Variants in CFAP54 observed in about 807,000 individuals in gnomAD.
CFAP54 encodes the protein cilia- and flagella-associated protein 54.
Under a neutral mutation model 370.4 loss-of-function variants are expected in CFAP54, and 290 were observed. The ratio of observed to expected loss-of-function variants is 0.78; its 90% CI spans 0.71 to 0.86. The LOEUF (loss-of-function observed/expected upper bound fraction) is 0.86. Among genes scored for constraint, CFAP54 ranks in the 40% least tolerant of loss-of-function variants. The pLI is 0.00. For missense variants in CFAP54, 3,399 were observed against 3,528.7 expected, an observed-to-expected ratio of 0.96 and a Z score of 0.93; for synonymous variants, 1,206 against 1,236.5, an observed-to-expected ratio of 0.98 and a Z score of 0.52.
intron 48 of CFAP54, among the ~76,000 whole-genome samples, chr12:96,715,666 A>G (rs1279335555): frequency 1.3e-5 from 2 of 152,198 alleles, no homozygotes; most frequent in Non-Finnish European, 2.9e-5. Context: ...TCTCAGGAAT[A>G]TTCTACCTGC....
intron 66 of CFAP54, among the ~76,000 whole-genome samples, chr12:96,839,720 A>G (rs1443958741): frequency 5.3e-5 from 8 of 152,196 alleles, no homozygotes; most frequent in African/African-American, 1.9e-4. Context: ...TGAGAAAACT[A>G]GAAAGTTGGG....
At chr12:96,561,842 G>T (rs1420547565) in intron 17 of CFAP54, among the ~76,000 whole-genome samples, 1 of 138,050 alleles carries the variant, frequency 7.2e-6, no homozygotes, top group Non-Finnish European at 1.5e-5. Context: ...CGATCACCCA[G>T]TGGTGCGATC....
At position 96,727,139 on chromosome 12, in the gene CFAP54, A is replaced by T. The variant is rs1205535793; in HGVS notation, c.6965+6574A>T. On this transcript the variant is annotated intron_variant, in intron 50 of 67. Transcript: ENST00000524981. ...AATAGGTGTGGTGTGGTGCTGAAAA[A>T]AATGTATATTCTGTTGATTTGGGGT... Among the ~76,000 whole-genome samples the T allele has an allele frequency of 7.2e-5, 11 of 151,904 alleles. No individual in the cohort carries two copies. In the East Asian group the frequency reaches 1.6e-3, roughly 21 times the overall value.
intron 14 of CFAP54, among the ~76,000 whole-genome samples, chr12:96,542,499 G>A (rs1200919846): frequency 6.6e-6 from 1 of 152,050 alleles, no homozygotes; most frequent in Admixed American, 6.6e-5. Flanking sequence ...TTAAATATAA[G>A]GTGGAGAGAA....
chr12:96,752,085 T>TGAGA (rs55648812), intron 55 of CFAP54, among the ~76,000 whole-genome samples: 5,536 of 90,528 alleles, frequency 0.061, 452 homozygotes, highest in East Asian at 0.14. Flanking sequence ...TCTTCCTGGA[T>TGAGA]GAGAGAGAGA....
At chr12:96,695,974 AT>A (rs1235483802) in intron 45 of CFAP54, among the ~76,000 whole-genome samples, 1 of 152,222 alleles carries the variant, frequency 6.6e-6, no homozygotes, top group Non-Finnish European at 1.5e-5. Context: ...CCACTCGGTC[AT>A]TTCCAAATGA....
chr12:96,764,353 T>C (rs566523967), intron 59 of CFAP54, 104 bp downstream of exon 59: 9 of 774,176 alleles, frequency 1.2e-5, no homozygotes, highest in African/African-American at 8.9e-5. Flanking sequence ...TTGGGTGTGA[T>C]ACCTCATGCC....
chr12:96,619,689 A>G (rs2136463877), intron 26 of CFAP54, among the ~76,000 whole-genome samples: 1 of 152,324 alleles, frequency 6.6e-6, no homozygotes, highest in East Asian at 1.9e-4. Flanking sequence ...AAGAAGGGGA[A>G]AAGATTGCCC....
intron 3 of CFAP54, among the ~76,000 whole-genome samples, chr12:96,506,176 A>G (rs1440144886): frequency 2.0e-5 from 3 of 151,950 alleles, no homozygotes; most frequent in Non-Finnish European, 4.4e-5. Flanking sequence ...CGTCTCTACT[A>G]AAAATACAAA....
chr12:96,554,947 A>C, intron 17 of CFAP54, 145 bp downstream of exon 17: 4 of 639,162 alleles, frequency 6.3e-6, no homozygotes, highest in African/African-American at 1.9e-5. Context: ...AATTAATATC[A>C]ATAAAAACAT....
At chr12:96,827,034 A>ATATAATATGAAATTATATATGATTAAT (rs1565994004) in intron 65 of CFAP54, among the ~76,000 whole-genome samples, 22 of 128,994 alleles carry the variant, frequency 1.7e-4, no homozygotes, top group African/African-American at 7.1e-4. Flanking sequence ...ATGTGATTAT[A>ATATAATATGAAATTATATATGATTAAT]TATAATATGC....
chr12:96,512,619 G>C (rs1246954647), intron 4 of CFAP54, among the ~76,000 whole-genome samples: 5 of 151,978 alleles, frequency 3.3e-5, no homozygotes, highest in Admixed American at 2.0e-4. Context: ...GGGATTACAG[G>C]CGTAGCCACT....
chr12:96,570,987 A>G (rs1955911855), intron 19 of CFAP54, among the ~76,000 whole-genome samples: 1 of 152,100 alleles, frequency 6.6e-6, no homozygotes, highest in Non-Finnish European at 1.5e-5. Flanking sequence ...TCTACTTTTC[A>G]TCTTTTTCTG....
chr12:96,737,949 G>C (rs1958000052), intron 50 of CFAP54, among the ~76,000 whole-genome samples: 1 of 152,160 alleles, frequency 6.6e-6, no homozygotes, highest in Non-Finnish European at 1.5e-5. Context: ...ATGGAAGGCA[G>C]GCTGGGGATG....
intron 26 of CFAP54, among the ~76,000 whole-genome samples, chr12:96,602,454 T>C (rs1415048378): frequency 6.6e-6 from 1 of 152,228 alleles, no homozygotes; most frequent in African/African-American, 2.4e-5. Context: ...TGGAGAGTTC[T>C]GTGGATGTCT....
At chr12:96,543,519 A>C (rs910221758) in intron 14 of CFAP54, among the ~76,000 whole-genome samples, 1 of 152,090 alleles carries the variant, frequency 6.6e-6, no homozygotes, top group African/African-American at 2.4e-5. Context: ...TTCCTTTTGC[A>C]TTTATTATAC....
intron 58 of CFAP54, among the ~76,000 whole-genome samples, chr12:96,758,499 A>G (rs1326397670): frequency 6.6e-6 from 1 of 152,202 alleles, no homozygotes; most frequent in East Asian, 1.9e-4. Context: ...TGATTCAGTT[A>G]TCTCCCACCA....
intron 55 of CFAP54, among the ~76,000 whole-genome samples, chr12:96,744,796 G>A (rs1053587674): frequency 6.6e-6 from 1 of 152,124 alleles, no homozygotes; most frequent in Non-Finnish European, 1.5e-5. Flanking sequence ...TTCCTGCACA[G>A]ATCATCCTAT....
chr12:96,872,042 T>A (rs1292901052), intron 67 of CFAP54, among the ~76,000 whole-genome samples: 1 of 151,974 alleles, frequency 6.6e-6, no homozygotes, highest in Non-Finnish European at 1.5e-5. Context: ...TTTTTCAGAT[T>A]TGATTTAAAA....
Sources: gnomAD v4.1 joint callset for allele counts (sites outside exome capture counted in the v4.1 genomes callset) on GRCh38, gnomAD v4.1.1 for gene constraint, MANE v1.5 for transcripts, NCBI Gene and HGNC (gene_info 2026-07-23, HGNC 2026-07-21) for gene names.